The following LRP1B variants were observed in gnomAD, a reference collection of about 807,000 sequenced individuals.
The protein encoded by LRP1B is low-density lipoprotein receptor-related protein 1B.
Under a neutral mutation model 556.6 loss-of-function variants are expected in LRP1B, and 217 were observed. That is an observed-to-expected ratio of 0.39 (90% CI 0.35 to 0.44). The LOEUF is 0.44. Among genes scored for constraint, LRP1B ranks in the 20% least tolerant of loss-of-function variants. The pLI, the probability that LRP1B is intolerant of heterozygous loss-of-function variation, is 1.00. For synonymous variants in LRP1B, 2,047 were observed against 1,865.8 expected (o/e 1.10, Z -2.50); for missense variants, 5,053 against 5,620.8 (o/e 0.90, Z 3.23).
chr2:140,910,764 A>G (rs985242046), intron 21 of LRP1B, among the ~76,000 whole-genome samples: 1 of 151,850 alleles, frequency 6.6e-6, no homozygotes, highest in Non-Finnish European at 1.5e-5. Context: ...ACTCTATTAG[A>G]TAAAGATCAA....
At chr2:140,704,704 T>G (rs1686766098) in intron 37 of LRP1B, among the ~76,000 whole-genome samples, 1 of 152,128 alleles carries the variant, frequency 6.6e-6, no homozygotes, top group Admixed American at 6.6e-5. Context: ...AATGTTATAC[T>G]GTGAAGGAGG....
intron 1 of LRP1B, among the ~76,000 whole-genome samples, chr2:141,925,414 A>G (rs1381999364): frequency 6.6e-6 from 1 of 152,208 alleles, no homozygotes; most frequent in East Asian, 1.9e-4. Context: ...CTATGACAAC[A>G]TTGCTCTAGA....
At chr2:140,875,989 G>A (rs1468171765) in intron 25 of LRP1B, among the ~76,000 whole-genome samples, 1 of 152,060 alleles carries the variant, frequency 6.6e-6, no homozygotes, top group African/African-American at 2.4e-5. Flanking sequence ...CAGTTATTTT[G>A]TTTTGGTTCT....
chr2:140,502,627 T>A (rs1689247517), intron 54 of LRP1B, among the ~76,000 whole-genome samples: 1 of 152,054 alleles, frequency 6.6e-6, no homozygotes, highest in Non-Finnish European at 1.5e-5. Flanking sequence ...AATTTTAACT[T>A]TTTTGCATTT....
intron 3 of LRP1B, among the ~76,000 whole-genome samples, chr2:141,411,149 A>G (rs1690836146): frequency 6.6e-6 from 1 of 152,096 alleles, no homozygotes; most frequent in Non-Finnish European, 1.5e-5. Flanking sequence ...TTCAGAAGAT[A>G]CAGACACCAA....
At chr2:140,954,375 T>A (rs1467876517) in intron 18 of LRP1B, among the ~76,000 whole-genome samples, 1 of 152,150 alleles carries the variant, frequency 6.6e-6, no homozygotes, top group Non-Finnish European at 1.5e-5. Context: ...TGATGAGATC[T>A]AATCTTTAAA....
intron 15 of LRP1B, among the ~76,000 whole-genome samples, chr2:141,002,021 T>C (rs898720263): frequency 1.3e-5 from 2 of 152,246 alleles, no homozygotes; most frequent in African/African-American, 2.4e-5. Flanking sequence ...TTCAAAGTCA[T>C]GCTTAATCCC....
At chr2:141,923,474 GTGTGTGTGTGTGT>G (rs1390480187) in intron 1 of LRP1B, among the ~76,000 whole-genome samples, 2 of 123,736 alleles carry the variant, frequency 1.6e-5, no homozygotes, top group Admixed American at 9.2e-5. Flanking sequence ...GTGTGTGTGT[GTGTGTGTGTGTGT>G]AGAGAGAGGG....
At chr2:140,645,952 A>T (rs933078281) in intron 41 of LRP1B, among the ~76,000 whole-genome samples, 1 of 151,936 alleles carries the variant, frequency 6.6e-6, no homozygotes, top group Non-Finnish European at 1.5e-5. Flanking sequence ...ACTCCTTATT[A>T]TAGTTTCTTG....
At chr2:140,574,243 G>A (rs1352371433) in intron 43 of LRP1B, among the ~76,000 whole-genome samples, 4 of 151,962 alleles carry the variant, frequency 2.6e-5, no homozygotes, top group African/African-American at 9.7e-5. Flanking sequence ...CATTTCCCAT[G>A]CATTTAAAAC....
chr2:141,927,585 C>T (rs937554084), intron 1 of LRP1B, among the ~76,000 whole-genome samples: 1 of 151,930 alleles, frequency 6.6e-6, no homozygotes, highest in Admixed American at 6.6e-5. Context: ...CCTTTTTAAT[C>T]TACTTTTCCA....
chr2:140,882,645 C>T (rs1179175933), intron 25 of LRP1B, among the ~76,000 whole-genome samples: 1 of 152,168 alleles, frequency 6.6e-6, no homozygotes, highest in African/African-American at 2.4e-5. Flanking sequence ...GTTTCTGCCC[C>T]TTTCATTTCT....
chr2:141,365,755 A>T (rs1473558578), intron 3 of LRP1B, among the ~76,000 whole-genome samples: 1 of 144,554 alleles, frequency 6.9e-6, no homozygotes. Flanking sequence ...TACCTGCAAG[A>T]TCCGCCTCCC....
At chr2:141,148,314 A>C (rs575698910) in intron 7 of LRP1B, among the ~76,000 whole-genome samples, 2 of 152,280 alleles carry the variant, frequency 1.3e-5, no homozygotes, top group East Asian at 1.9e-4. Flanking sequence ...CACCTTTAAT[A>C]ATCAAAAATA....
chr2:141,059,093 T>C (rs1349625943), intron 8 of LRP1B, 39 bp from the exon 9 acceptor site: 20 of 1,288,262 alleles, frequency 1.6e-5, no homozygotes, highest in Non-Finnish European at 2.1e-5. Context: ...TTTTTAATTA[T>C]GTAGCTTGCA....
chr2:141,412,563 G>A (rs771079442), intron 3 of LRP1B, among the ~76,000 whole-genome samples: 1 of 152,126 alleles, frequency 6.6e-6, no homozygotes, highest in African/African-American at 2.4e-5. Flanking sequence ...TGTATGTACT[G>A]TACTCAACAC....
chr2:141,924,585 C>A (rs1334867789), intron 1 of LRP1B, among the ~76,000 whole-genome samples: 2 of 152,158 alleles, frequency 1.3e-5, no homozygotes, highest in Non-Finnish European at 2.9e-5. Context: ...AGGCACCCAC[C>A]CCTAGATACT....
chr2:141,893,893 G>A (rs571890128), intron 1 of LRP1B, among the ~76,000 whole-genome samples: 3 of 152,036 alleles, frequency 2.0e-5, no homozygotes, highest in South Asian at 2.1e-4. Flanking sequence ...TAAAAATCCC[G>A]CCTTTCTCTT....
At chr2:141,593,234 C>T (rs1329952344) in intron 2 of LRP1B, among the ~76,000 whole-genome samples, 3 of 152,080 alleles carry the variant, frequency 2.0e-5, no homozygotes, top group African/African-American at 7.2e-5. Context: ...ATAGAAAAAA[C>T]CTGGACCCAT....
Sources: allele counts gnomAD v4.1 joint callset (sites outside exome capture counted in the v4.1 genomes callset), GRCh38; gene constraint gnomAD v4.1.1; transcripts MANE v1.5; gene names NCBI Gene and HGNC (gene_info 2026-07-23, HGNC 2026-07-21).